The following COL22A1 variants were observed in gnomAD, a reference collection of about 807,000 sequenced individuals.
COL22A1 encodes collagen alpha-1(XXII) chain.
In COL22A1, 221 loss-of-function variants were observed where a neutral mutation model predicts 248.9. That is an observed-to-expected ratio of 0.89 (90% confidence interval 0.80 to 0.99). The LOEUF is 0.99. Among genes scored for constraint, COL22A1 ranks in the 50% least tolerant of loss-of-function variants. The pLI is 0.00. For missense variants in COL22A1, 2,240 were observed against 2,179.0 expected (o/e 1.03, Z -0.56); for synonymous variants, 891 against 793.4 (o/e 1.12, Z -2.07).
At chr8:138,714,866 A>G (rs1829307743) in intron 30 of COL22A1, among the ~76,000 whole-genome samples, 1 of 152,114 alleles carries the variant, frequency 6.6e-6, no homozygotes, top group Non-Finnish European at 1.5e-5. Flanking sequence ...GGGCTCATGA[A>G]CGATGCAGGG....
At chr8:138,835,526 C>A (rs1293264530) in intron 4 of COL22A1, among the ~76,000 whole-genome samples, 1 of 152,180 alleles carries the variant, frequency 6.6e-6, no homozygotes, top group Admixed American at 6.5e-5. Flanking sequence ...GTGAGGCCAG[C>A]TTTCCTGACC....
chr8:138,894,423 C>G (rs1428606016), intron 1 of COL22A1, among the ~76,000 whole-genome samples: 3 of 152,078 alleles, frequency 2.0e-5, no homozygotes, highest in Non-Finnish European at 4.4e-5. Flanking sequence ...TGGCAGGGAG[C>G]AGGAGATTGA....
intron 3 of COL22A1, among the ~76,000 whole-genome samples, chr8:138,853,242 G>C (rs1202798095): frequency 6.6e-6 from 1 of 152,216 alleles, no homozygotes; most frequent in Non-Finnish European, 1.5e-5. Flanking sequence ...CTGAATGATG[G>C]GGCGAGGGCC....
At chr8:138,707,947 AC>A (rs746628246) in intron 30 of COL22A1, among the ~76,000 whole-genome samples, 24 of 152,356 alleles carry the variant, frequency 1.6e-4, no homozygotes, top group Non-Finnish European at 2.6e-4. Context: ...GTCTCAGGAT[AC>A]AAAATCAACG....
At chr8:138,775,884 A>G in intron 16 of COL22A1, 82 bp downstream of exon 16, 1 of 1,281,646 alleles carries the variant, frequency 7.8e-7, no homozygotes, top group Non-Finnish European at 1.1e-6. Context: ...ACACACGAGC[A>G]TACACAGAGC....
chr8:138,684,944 T>C (rs1253001230), intron 38 of COL22A1, among the ~76,000 whole-genome samples: 1 of 152,174 alleles, frequency 6.6e-6, no homozygotes, highest in Non-Finnish European at 1.5e-5. Context: ...TGTGTTTGCC[T>C]GACTGTCTCT....
chr8:138,748,084 A>G, intron 22 of COL22A1, among the ~76,000 whole-genome samples: 1 of 152,128 alleles, frequency 6.6e-6, no homozygotes. Flanking sequence ...CATATCCAAA[A>G]CACTGATTTC....
Position 138,589,289 on chromosome 8 carries a change from G to C in COL22A1, c.4845C>G (p.Ser1615Arg), listed in dbSNP as rs1346625350. ...CDPSQCAYFA[S>R]LAARPGNVKG... Reference sequence around the variant, plus strand: ...TCACATTACCCGGCCGGGCAGCAAGGCTGGCGAAGTAGGCACACTGGGAAG... The same window carrying C: ...TCACATTACCCGGCCGGGCAGCAAGCCTGGCGAAGTAGGCACACTGGGAAG... Residue 1615 changes from serine to arginine, a missense_variant, in exon 65 of 65, where the codon AGC becomes AGG. Ser to Arg is a moderately radical substitution (Grantham distance 110). Transcript: ENST00000303045. 6.2e-7 allele frequency: 1 copy of C among 1,613,788 alleles called. No individual in the cohort carries two copies. Among genetic ancestry groups the C allele is most frequent in the Non-Finnish European group, 8.5e-7 (1 of 1,179,898 alleles).
rs553600744 is a variant in COL22A1 at position 138,848,419 on chromosome 8, G to A, written c.659-4261C>T. Among the ~76,000 whole-genome samples, 673 of 152,224 alleles carry A rather than the reference G, an allele frequency of 4.4e-3. 1 individual carries two copies. Among genetic ancestry groups the A allele is most frequent in the Non-Finnish European group, 8.1e-3 (553 of 68,008 alleles). ...AGGGAAAACACCACGAATTTACTGTGGTCTTCCTGGAAAAACACGTCCATT... is the reference window on the plus strand; with the variant it reads ...AGGGAAAACACCACGAATTTACTGTAGTCTTCCTGGAAAAACACGTCCATT... On this transcript the variant is annotated intron_variant, in intron 3 of 64. Transcript: ENST00000303045.
intron 47 of COL22A1, among the ~76,000 whole-genome samples, chr8:138,641,262 C>T (rs1307044212): frequency 6.6e-6 from 1 of 152,184 alleles, no homozygotes; most frequent in Admixed American, 6.5e-5. Flanking sequence ...CAGGTATTAT[C>T]TCTGCCTCCT....
chr8:138,666,108 A>C (rs1272431428), intron 41 of COL22A1, among the ~76,000 whole-genome samples: 1 of 152,236 alleles, frequency 6.6e-6, no homozygotes, highest in Non-Finnish European at 1.5e-5. Context: ...TAAATTTCTG[A>C]AATTATTCTT....
At chr8:138,806,029 GT>G (rs1563787957) in intron 10 of COL22A1, among the ~76,000 whole-genome samples, 26 of 11,620 alleles carry the variant, frequency 2.2e-3, no homozygotes, top group East Asian at 8.5e-3. Flanking sequence ...ATGGTGTGTG[GT>G]TGTGTGTGTG....
At chr8:138,604,023 G>A (rs1404327510) in intron 59 of COL22A1, among the ~76,000 whole-genome samples, 2 of 152,218 alleles carry the variant, frequency 1.3e-5, no homozygotes, top group Admixed American at 1.3e-4. Context: ...ACCAAGCATT[G>A]TGGGGGGTCT....
intron 1 of COL22A1, among the ~76,000 whole-genome samples, chr8:138,895,369 AAAGC>A (rs1825331039): frequency 6.6e-6 from 1 of 152,234 alleles, no homozygotes; most frequent in Non-Finnish European, 1.5e-5. Flanking sequence ...AAATATTTTT[AAAGC>A]AGAAGTCATA....
intron 12 of COL22A1, among the ~76,000 whole-genome samples, chr8:138,782,293 A>C (rs998680755): frequency 3.9e-5 from 6 of 152,136 alleles, no homozygotes; most frequent in African/African-American, 1.4e-4. Flanking sequence ...AACATGGCTC[A>C]TGCAGCCTTG....
intron 1 of COL22A1, among the ~76,000 whole-genome samples, chr8:138,885,231 C>T (rs537740889): frequency 2.6e-5 from 4 of 152,294 alleles, no homozygotes; most frequent in African/African-American, 7.2e-5. Flanking sequence ...CATCCTGGAA[C>T]GCCCCCACTC....
intron 30 of COL22A1, among the ~76,000 whole-genome samples, chr8:138,713,767 T>C (rs1479518330): frequency 6.6e-6 from 1 of 151,590 alleles, no homozygotes; most frequent in Non-Finnish European, 1.5e-5. Context: ...ACCAAGCAGA[T>C]CTCTAAAAAT....
chr8:138,806,007 A>AGATGGTG (rs1817597141), intron 10 of COL22A1, among the ~76,000 whole-genome samples: 2 of 14,344 alleles, frequency 1.4e-4, no homozygotes, highest in Non-Finnish European at 3.1e-4. Flanking sequence ...TGTGTGTGTG[A>AGATGGTG]CGGTGTAGGT....
intron 15 of COL22A1, 84 bp downstream of exon 15, chr8:138,778,269 G>T: frequency 6.9e-7 from 1 of 1,448,620 alleles, no homozygotes; most frequent in Non-Finnish European, 9.7e-7. Flanking sequence ...CTGTCTAGAT[G>T]CAGGTGGAGG....
Sources: gnomAD v4.1 joint callset for allele counts (sites outside exome capture counted in the v4.1 genomes callset) on GRCh38, gnomAD v4.1.1 for gene constraint, MANE v1.5 for transcripts, NCBI Gene and HGNC (gene_info 2026-07-23, HGNC 2026-07-21) for gene names.